The following SUSD4 variants were observed in gnomAD, a reference collection of about 807,000 sequenced individuals.
The protein encoded by SUSD4 is sushi domain-containing protein 4.
Under a neutral mutation model 50.5 loss-of-function variants are expected in SUSD4, and 41 were observed. The observed-to-expected ratio is 0.81, with a 90% CI of 0.63 to 1.05. The LOEUF (loss-of-function observed/expected upper bound fraction) is 1.05. Among genes scored for constraint, SUSD4 ranks in the 50% least tolerant of loss-of-function variants. The probability of loss-of-function intolerance (pLI) is 0.00; values close to 1 mark genes in which losing one functional copy is unlikely to be tolerated. For missense variants in SUSD4, 580 were observed against 634.7 expected, an observed-to-expected ratio of 0.91 and a Z score of 0.93; for synonymous variants, 257 against 257.3, an observed-to-expected ratio of 1.00 and a Z score of 0.01.
intron 5 of SUSD4, chr1:223,263,845 T>C: frequency 2.0e-6 from 2 of 985,468 alleles, no homozygotes; most frequent in Non-Finnish European, 2.4e-6. Context: ...AGGCTGCAAA[T>C]AGGCTTTGAA....
In SUSD4 at chr1:223,275,644, G is replaced by A. The variant is rs1663206509; in HGVS notation, c.362-6969C>T. ...CACCTGGAAATGCCTGGTAAATTCC[G>A]ATTCTTTGTTGCATACAAGCATCTG... On this transcript the variant is annotated intron_variant, in intron 3 of 8. Coordinates refer to ENST00000366878, the MANE Select transcript of SUSD4 (RefSeq NM_017982.4). Among the ~76,000 whole-genome samples the A allele has an allele frequency of 3.3e-5, 5 of 152,262 alleles. No homozygotes were observed. In the South Asian group the frequency reaches 8.3e-4, roughly 25 times the overall value.
intron 5 of SUSD4, among the ~76,000 whole-genome samples, chr1:223,250,364 C>T (rs1045436700): frequency 1.3e-5 from 2 of 152,136 alleles, no homozygotes; most frequent in South Asian, 2.1e-4. Context: ...TTCACAAGAA[C>T]GTACTATGAG....
intron 5 of SUSD4, among the ~76,000 whole-genome samples, chr1:223,250,691 A>G (rs143260739): frequency 1.3e-5 from 2 of 152,302 alleles, no homozygotes; most frequent in African/African-American, 2.4e-5. Flanking sequence ...CAATGGGGTT[A>G]GAGTTCGGAA....
chr1:223,280,611 G>A (rs1032694313), intron 3 of SUSD4, among the ~76,000 whole-genome samples: 2 of 152,010 alleles, frequency 1.3e-5, no homozygotes, highest in Non-Finnish European at 2.9e-5. Context: ...TCTACAAAGA[G>A]ACTTAGACTC....
intron 2 of SUSD4, among the ~76,000 whole-genome samples, chr1:223,322,928 T>C (rs1666663909): frequency 1.3e-5 from 2 of 152,186 alleles, no homozygotes; most frequent in African/African-American, 4.8e-5. Context: ...CAGCTAAGCC[T>C]TTCCCCAAGG....
rs368274122 is a variant in SUSD4, at chr1:223,223,425, C to A, written c.1268G>T (p.Gly423Val). ...AYPGSGDTDT[G>V]PGESETCDSV... The stretch of plus-strand genomic sequence containing the variant: ...GTCACAGGTTTCTGACTCCCCTGGG[C>A]CTGTGTCCGTGTCCCCTGAGCCGGG... The change falls in exon 8 of 9, where the codon GGC (glycine) becomes GTC (valine). Residue 423 changes from glycine (G) to valine (V), a missense_variant. Gly to Val is a moderately radical substitution (Grantham distance 109). Transcript: ENST00000366878. The A allele has an allele frequency of 6.2e-7, 1 of 1,613,890 alleles. No individual in the cohort carries two copies. Among genetic ancestry groups the A allele is most frequent in the Non-Finnish European group, 8.5e-7 (1 of 1,179,892 alleles).
intron 5 of SUSD4, among the ~76,000 whole-genome samples, chr1:223,239,643 A>C (rs2103019291): frequency 6.6e-6 from 1 of 152,228 alleles, no homozygotes; most frequent in East Asian, 1.9e-4. Flanking sequence ...TTATAATTAC[A>C]AAATGATACT....
chr1:223,291,605 CA>C (rs1191229800), intron 3 of SUSD4, among the ~76,000 whole-genome samples: 1 of 150,846 alleles, frequency 6.6e-6, no homozygotes, highest in African/African-American at 2.4e-5. Context: ...AGCTCCATTC[CA>C]AAATAAAATC....
At chr1:223,241,612 G>A (rs1660589128) in intron 5 of SUSD4, among the ~76,000 whole-genome samples, 1 of 152,174 alleles carries the variant, frequency 6.6e-6, no homozygotes, top group Admixed American at 6.5e-5. Context: ...TCATTGTTAG[G>A]ACAGATTGGT....
chr1:223,352,086 A>T (rs1019108659), intron 2 of SUSD4, among the ~76,000 whole-genome samples: 1 of 152,226 alleles, frequency 6.6e-6, no homozygotes, highest in African/African-American at 2.4e-5. Context: ...CCTGTTAACC[A>T]CACTACATGG....
intron 2 of SUSD4, among the ~76,000 whole-genome samples, chr1:223,297,644 CAG>C (rs1468423275): frequency 6.6e-6 from 1 of 152,206 alleles, no homozygotes; most frequent in Non-Finnish European, 1.5e-5. Flanking sequence ...CCCTCCCCTG[CAG>C]AGTCTGAATA....
At chr1:223,224,047 T>G (rs545217437) in intron 7 of SUSD4, among the ~76,000 whole-genome samples, 13 of 152,342 alleles carry the variant, frequency 8.5e-5, no homozygotes, top group African/African-American at 2.6e-4. Flanking sequence ...GGGATAGCAC[T>G]GTTAAAAGTA....
intron 7 of SUSD4, among the ~76,000 whole-genome samples, chr1:223,226,975 G>C (rs1294797559): frequency 6.6e-6 from 1 of 152,164 alleles, no homozygotes; most frequent in Non-Finnish European, 1.5e-5. Flanking sequence ...CTCTTTGGTG[G>C]TGATGACTTG....
chr1:223,227,710 G>C lies in SUSD4; in HGVS notation c.945C>G (p.Thr315=). The change falls in exon 7 of 9, where the codon ACC becomes ACG. Residue 315 remains threonine (T), a synonymous_variant. Coordinates refer to ENST00000366878, the MANE Select transcript of SUSD4 (RefSeq NM_017982.4). This position sits in a 1 kb window ranked among gnomAD's most constrained non-coding sequence, Gnocchi z 4.5. The stretch of plus-strand genomic sequence containing the variant: ...CCACAATCTTCCACGTGGTCAGGAG[G>C]GTCTCATGGGTGCTGGGCCACGTTT... ...SEQTWPSTHE[T]LLTTWKIVAF... 6.2e-7 allele frequency: 1 copy of C among 1,613,024 alleles called. No individual in the cohort carries two copies. Among genetic ancestry groups the C allele is most frequent in the South Asian group, 1.1e-5 (1 of 90,714 alleles).
chr1:223,230,434 C>G (rs1197021129), intron 5 of SUSD4: 5 of 152,220 alleles, frequency 3.3e-5, no homozygotes, highest in Admixed American at 6.5e-5. Context: ...TTTTGATTCC[C>G]TCCCTTGGGG....
chr1:223,253,202 G>GA (rs895215963), intron 5 of SUSD4, among the ~76,000 whole-genome samples: 3 of 151,730 alleles, frequency 2.0e-5, no homozygotes, highest in African/African-American at 4.8e-5. Context: ...GAAGCCACAA[G>GA]AAAAAAAATG....
chr1:223,263,783 G>A, intron 5 of SUSD4: 1 of 985,434 alleles, frequency 1.0e-6, no homozygotes, highest in Non-Finnish European at 1.2e-6. Context: ...CTGTAAACTT[G>A]TAAGAACTCA....
chr1:223,277,033 G>T (rs2103104220), intron 3 of SUSD4, among the ~76,000 whole-genome samples: 1 of 152,260 alleles, frequency 6.6e-6, no homozygotes, highest in East Asian at 1.9e-4. Context: ...CCCCGCTTTT[G>T]AAAAATGCCT....
intron 5 of SUSD4, among the ~76,000 whole-genome samples, chr1:223,239,482 G>A (rs180979464): frequency 6.6e-6 from 1 of 152,062 alleles, no homozygotes; most frequent in East Asian, 1.9e-4. Flanking sequence ...CATTTTATCT[G>A]ATTACATTTT....
Sources: gnomAD v4.1 joint callset for allele counts (sites outside exome capture counted in the v4.1 genomes callset) on GRCh38, gnomAD v4.1.1 for gene constraint, Gnocchi (gnomAD v3.1) non-coding constraint, MANE v1.5 for transcripts, NCBI Gene and HGNC (gene_info 2026-07-23, HGNC 2026-07-21) for gene names.